Variants in RFC1 observed in about 807,000 individuals in gnomAD.
RFC1 encodes A1 140 kDa subunit.
RFC1 carries 37 observed loss-of-function variants against 137.4 expected under a neutral mutation model. The observed-to-expected ratio is 0.27, with a 90% CI of 0.21 to 0.35. The LOEUF is 0.35. Among genes scored for constraint, RFC1 ranks in the 10% least tolerant of loss-of-function variants. RFC1 has a pLI of 1.00. For synonymous variants in RFC1, 429 were observed against 455.7 expected, an observed-to-expected ratio of 0.94 and a Z score of 0.75; for missense variants, 1,205 against 1,358.5, an observed-to-expected ratio of 0.89 and a Z score of 1.78.
At chr4:39,356,270 G>A (rs34820217) in intron 1 of RFC1, among the ~76,000 whole-genome samples, 6,793 of 151,872 alleles carry the variant, frequency 0.045, 222 homozygotes, top group Middle Eastern at 0.14. Context: ...TTGGTGGTAC[G>A]TGCCTGTAAT....
At chr4:39,309,133 G>A (rs1269541810) in intron 12 of RFC1, 101 bp from the exon 13 acceptor site, 5 of 1,279,826 alleles carry the variant, frequency 3.9e-6, no homozygotes, top group Non-Finnish European at 4.2e-6. Flanking sequence ...ATATCCAAGT[G>A]GGCTACTCAA....
chr4:39,362,950 C>A (rs1460358401), intron 1 of RFC1, among the ~76,000 whole-genome samples: 1 of 152,186 alleles, frequency 6.6e-6, no homozygotes, highest in Non-Finnish European at 1.5e-5. Context: ...ATAATAAAGT[C>A]GAGCACTGCT....
intron 4 of RFC1, among the ~76,000 whole-genome samples, chr4:39,328,971 T>C (rs1444332357): frequency 6.6e-6 from 1 of 151,862 alleles, no homozygotes; most frequent in Non-Finnish European, 1.5e-5. Flanking sequence ...TTTAAGACCA[T>C]AAATTCTTTG....
intron 12 of RFC1, among the ~76,000 whole-genome samples, chr4:39,310,149 A>G (rs376659467): frequency 3.9e-5 from 6 of 152,190 alleles, no homozygotes; most frequent in East Asian, 3.9e-4. Flanking sequence ...ACCTCAACCT[A>G]ATCATGAGAA....
At chr4:39,292,776 GGA>G (rs1737757500) in intron 22 of RFC1, among the ~76,000 whole-genome samples, 2 of 151,566 alleles carry the variant, frequency 1.3e-5, no homozygotes, top group Admixed American at 1.3e-4. Context: ...CAAGTAGCTG[GGA>G]TTACAGGCAC....
At chr4:39,308,540 A>G (rs1738798353) in intron 13 of RFC1, 96 bp downstream of exon 13, 2 of 1,477,394 alleles carry the variant, frequency 1.4e-6, no homozygotes, top group African/African-American at 2.8e-5. Context: ...GCTTGCTGAC[A>G]GATGAATGAA....
At chr4:39,316,768 T>A (rs942674173) in intron 10 of RFC1, 147 bp downstream of exon 10, 2 of 554,384 alleles carry the variant, frequency 3.6e-6, no homozygotes, top group Non-Finnish European at 6.4e-6. Flanking sequence ...TGAATAAACA[T>A]CCCTAATTCT....
In RFC1 at chr4:39,319,822, G is replaced by A. The variant is rs895434694; in HGVS notation, c.1095+561C>T. Among the ~76,000 whole-genome samples, 3 of 152,166 alleles carry A rather than the reference G, an allele frequency of 2.0e-5. No individual in the cohort carries two copies. The South Asian group carries it at 6.2e-4, about 32-fold the overall frequency. On this transcript the variant is annotated intron_variant, in intron 9 of 24. Coordinates refer to ENST00000349703, the MANE Select transcript of RFC1 (RefSeq NM_002913.5). ...CTACCAAGTGACTAACGGGTGGGTA[G>A]TGTATCCAGCATGGTTATGCTGGAC...
intron 4 of RFC1, among the ~76,000 whole-genome samples, chr4:39,328,654 G>A (rs1332416805): frequency 6.6e-6 from 1 of 152,170 alleles, no homozygotes; most frequent in Non-Finnish European, 1.5e-5. Flanking sequence ...AGAAGAGTTC[G>A]GGTGAAAGAG....
At chr4:39,303,263 G>T in intron 15 of RFC1, 112 bp from the exon 16 acceptor site, 27 of 605,414 alleles carry the variant, frequency 4.5e-5, no homozygotes, top group East Asian at 9.3e-5. Context: ...AAAGCTACAA[G>T]AATATGCAGC....
chr4:39,366,146 TC>T, intron 1 of RFC1, 92 bp downstream of exon 1: 1 of 1,350,734 alleles, frequency 7.4e-7, no homozygotes, highest in Non-Finnish European at 1.0e-6. Flanking sequence ...ACCGCCATCC[TC>T]CCCCACCCTG....
chr4:39,316,840 A>G lies in RFC1; in HGVS notation c.1203+75T>C. On this transcript the variant is annotated intron_variant, in intron 10 of 24. Coordinates refer to ENST00000349703, the MANE Select transcript of RFC1 (RefSeq NM_002913.5). Reference sequence around the variant, plus strand: ...TTAATTATTAATCCTCTGCTGCTATAATCATCGTGAATACATACATGGACC... The same window carrying G: ...TTAATTATTAATCCTCTGCTGCTATGATCATCGTGAATACATACATGGACC... The G allele has an allele frequency of 3.6e-6, 3 of 831,066 alleles. No homozygotes were observed. The South Asian group carries it at 4.6e-5, about 13-fold the overall frequency. 51.5% of individuals were successfully genotyped at this position (831,066 alleles called of 1,614,324 possible). A position where few individuals can be genotyped will look rare whatever the true frequency, so the allele number is the denominator to read the frequency against.
At chr4:39,294,833 T>C (rs947923448) in intron 22 of RFC1, among the ~76,000 whole-genome samples, 13 of 152,122 alleles carry the variant, frequency 8.5e-5, no homozygotes, top group African/African-American at 3.1e-4. Context: ...TGAAACCCCA[T>C]ATCTACCAAA....
intron 2 of RFC1, among the ~76,000 whole-genome samples, chr4:39,349,447 CTCTT>C (rs991611539): frequency 6.6e-6 from 1 of 152,160 alleles, no homozygotes; most frequent in Non-Finnish European, 1.5e-5. Context: ...ATCTCTATCT[CTCTT>C]TCTCCACCAG....
At chr4:39,315,234 T>C (rs532158473) in intron 10 of RFC1, among the ~76,000 whole-genome samples, 2 of 152,366 alleles carry the variant, frequency 1.3e-5, no homozygotes, top group African/African-American at 4.8e-5. Flanking sequence ...ATTTCCGGTC[T>C]TCCCTTACCT....
intron 22 of RFC1, among the ~76,000 whole-genome samples, chr4:39,294,925 A>T (rs1737901860): frequency 6.6e-6 from 1 of 151,668 alleles, no homozygotes; most frequent in South Asian, 2.1e-4. Context: ...AATCACTTAA[A>T]CCCGGAGGTG....
At chr4:39,328,388 A>T (rs1360246625) in intron 4 of RFC1, among the ~76,000 whole-genome samples, 1 of 152,208 alleles carries the variant, frequency 6.6e-6, no homozygotes, top group African/African-American at 2.4e-5. Flanking sequence ...ATACAAATAA[A>T]CAAATATACA....
rs752335779 is a variant in RFC1, at chr4:39,323,358, T to G, written c.702A>C (p.Glu234Asp). 13 of 1,613,954 alleles carry G rather than the reference T, an allele frequency of 8.1e-6. No homozygotes were observed. Among genetic ancestry groups the G allele is most frequent in the African/African-American group, 1.3e-5 (1 of 74,936 alleles). The change falls in exon 7 of 25, where the codon GAA becomes GAC. Residue 234 changes from glutamate to aspartate, a missense_variant. By Grantham distance (45) the Glu-to-Asp change is conservative. This residue lies in a region of RFC1 where 962 missense variants were observed against 1,035.3 expected (regional missense o/e 0.93). Coordinates refer to ENST00000349703, the MANE Select transcript of RFC1 (RefSeq NM_002913.5). ...ATGCCACCTTTTTGGTCTTGGGTTC[T>G]TCATCCAACATGGCTAATGTTCTGG... ...EFARTLAMLD[E>D]EPKTKKARKD...
At position 39,351,078 on chromosome 4, in the gene RFC1, G is replaced by A. The variant is rs151025733; in HGVS notation, c.132+270C>T. Among the ~76,000 whole-genome samples, 85 of 151,722 alleles carry A rather than the reference G, an allele frequency of 5.6e-4. 1 individual carries two copies. The highest frequency in any genetic ancestry group is 1.9e-3 in the African/African-American group (77 of 41,368). On this transcript the variant is annotated intron_variant, in intron 2 of 24. Coordinates refer to ENST00000349703, the MANE Select transcript of RFC1 (RefSeq NM_002913.5). ...ATCCTGGCTAACACGGTGAAACCCC[G>A]TCTCTACTAAAAAATAGAAAAAATT...
Sources: gnomAD v4.1 joint callset for allele counts (sites outside exome capture counted in the v4.1 genomes callset) on GRCh38, gnomAD v4.1.1 for gene constraint, gnomAD v4.1.1 regional missense constraint, MANE v1.5 for transcripts, NCBI Gene and HGNC (gene_info 2026-07-23, HGNC 2026-07-21) for gene names.